Variants in TET3 observed in about 807,000 individuals in gnomAD.
TET3 encodes the protein methylcytosine dioxygenase TET3.
A neutral mutation model predicts 141.4 loss-of-function variants in TET3; 19 were observed. The observed-to-expected ratio is 0.13, with a 90% CI of 0.09 to 0.20. The LOEUF (loss-of-function observed/expected upper bound fraction) is 0.20, where lower values mean the gene tolerates loss of function less well. Among genes scored for constraint, TET3 ranks in the 10% least tolerant of loss-of-function variants. The pLI is 1.00. For missense variants in TET3, 1,874 were observed against 2,356.9 expected, an observed-to-expected ratio of 0.80 and a Z score of 4.24; for synonymous variants, 1,043 against 980.9, an observed-to-expected ratio of 1.06 and a Z score of -1.18.
chr2:74,096,071 C>G (rs966762467), intron 10 of TET3, among the ~76,000 whole-genome samples: 6 of 152,128 alleles, frequency 3.9e-5, no homozygotes, highest in Non-Finnish European at 8.8e-5. Flanking sequence ...ATGTACTTTA[C>G]TTATTTTTTT....
intron 3 of TET3, among the ~76,000 whole-genome samples, chr2:74,004,683 CAG>C (rs759923915): frequency 2.0e-5 from 3 of 152,130 alleles, no homozygotes; most frequent in African/African-American, 4.8e-5. Context: ...TGGGAGGTGA[CAG>C]AGGGCAGTTG....
Position 73,986,192 on chromosome 2 carries a change from A to G in TET3, c.-212A>G. 2.6e-6 allele frequency: 1 copy of G among 391,942 alleles called. No individual in the cohort carries two copies. Among genetic ancestry groups the G allele is most frequent in the Non-Finnish European group, 4.4e-6 (1 of 225,432 alleles). The allele number at this position is 391,942 out of a possible 1,614,324, so 24.3% of individuals were successfully genotyped here. A position where few individuals can be genotyped will look rare whatever the true frequency, so the allele number is the denominator to read the frequency against. On this transcript the variant is annotated 5_prime_UTR_variant, in exon 2 of 12. Transcript: ENST00000409262. ...GATCCTGGGCCCCAGCAGGTGGGAG[A>G]GTGGCCCCCTACGGAGTCCGATCAG...
the TET3 span, among the ~76,000 whole-genome samples, chr2:74,123,689 A>T: frequency 1.2e-3 from 180 of 152,186 alleles, no homozygotes; most frequent in African/African-American, 4.1e-3. Context: ...CCCGTCTGGG[A>T]AGTGAGGAGC....
intron 3 of TET3, among the ~76,000 whole-genome samples, chr2:74,023,784 G>A (rs2105257845): frequency 6.6e-6 from 1 of 152,174 alleles, no homozygotes; most frequent in South Asian, 2.1e-4. Flanking sequence ...TTCACAGATG[G>A]TGGTTATATT....
chr2:74,084,539 G>T (rs1202597348), intron 6 of TET3, among the ~76,000 whole-genome samples: 1 of 150,972 alleles, frequency 6.6e-6, no homozygotes, highest in African/African-American at 2.4e-5. Flanking sequence ...TGCAAGCTCC[G>T]CCTCCTGGGT....
chr2:74,093,017 C>G lies in TET3; in HGVS notation c.3129+26C>G, dbSNP rs1184302748. Reference sequence around the variant, plus strand: ...GTAACGGGCCCTGGGCCTTTTGCTGCCCACATGTCACCGTCCACATCTCTG... The same window carrying G: ...GTAACGGGCCCTGGGCCTTTTGCTGGCCACATGTCACCGTCCACATCTCTG... On this transcript the variant is annotated intron_variant, in intron 9 of 11. Coordinates refer to ENST00000409262, the MANE Select transcript of TET3 (RefSeq NM_001287491.2). This position sits in a 1 kb window ranked among gnomAD's most constrained non-coding sequence, Gnocchi z 4.2. The G allele has an allele frequency of 1.3e-6, 2 of 1,545,774 alleles. No individual in the cohort carries two copies. The highest frequency in any genetic ancestry group is 2.4e-5 in the East Asian group (1 of 41,082).
intron 2 of TET3, chr2:73,998,531 A>G (rs1469965047): frequency 1.3e-5 from 2 of 152,498 alleles, no homozygotes; most frequent in Non-Finnish European, 2.9e-5. Context: ...GGAGAGAAGC[A>G]TCTTTTCTTC....
chr2:73,996,590 C>T (rs1194923608), intron 2 of TET3, among the ~76,000 whole-genome samples: 5 of 152,196 alleles, frequency 3.3e-5, no homozygotes, highest in Non-Finnish European at 7.3e-5. Flanking sequence ...CTCACTGCTA[C>T]CTCCAATCCT....
At chr2:74,128,992 T>A in the TET3 span, among the ~76,000 whole-genome samples, 12 of 77,922 alleles carry the variant, frequency 1.5e-4, no homozygotes, top group Non-Finnish European at 2.1e-4. Context: ...TGTCTCAATT[T>A]AAAAAAAAAA....
chr2:74,061,513 A>G lies in TET3; in HGVS notation c.2495-12036A>G, dbSNP rs1168431617. Among the ~76,000 whole-genome samples the G allele has an allele frequency of 2.1e-5, 3 of 139,944 alleles. No individual in the cohort carries two copies. In the East Asian group the frequency reaches 6.8e-4, roughly 32 times the overall value. 91.8% of individuals were successfully genotyped at this position (139,944 alleles called of 152,430 possible). ...CCGGACGGGGCGGCTGGCTGGGCAG[A>G]GGGGCTCCTCACTTCCCAGTAGGGG... On this transcript the variant is annotated intron_variant, in intron 4 of 11. Transcript: ENST00000409262.
chr2:73,999,826 C>T (rs908002420), intron 2 of TET3, among the ~76,000 whole-genome samples: 2 of 152,142 alleles, frequency 1.3e-5, no homozygotes, highest in African/African-American at 4.8e-5. Flanking sequence ...CAGAGTGGCC[C>T]TGGCATGCAC....
At chr2:74,039,505 G>A (rs1687234952) in intron 3 of TET3, among the ~76,000 whole-genome samples, 1 of 152,126 alleles carries the variant, frequency 6.6e-6, no homozygotes, top group Non-Finnish European at 1.5e-5. Context: ...TTGGGGTCCT[G>A]AAATACATAG....
At chr2:74,074,215 T>A (rs1244390193) in intron 5 of TET3, among the ~76,000 whole-genome samples, 1 of 152,176 alleles carries the variant, frequency 6.6e-6, no homozygotes, top group Non-Finnish European at 1.5e-5. Flanking sequence ...TATCCTGGGT[T>A]CACATTGTAC....
downstream of TET3, among the ~76,000 whole-genome samples, chr2:74,112,079 G>A (rs903403854): frequency 2.6e-5 from 4 of 152,110 alleles, no homozygotes; most frequent in Non-Finnish European, 5.9e-5. Context: ...TCCTTACTCA[G>A]ATAATCTTTC....
chr2:74,065,640 CTT>C (rs1688847554), intron 4 of TET3, among the ~76,000 whole-genome samples: 1 of 137,560 alleles, frequency 7.3e-6, no homozygotes, highest in Non-Finnish European at 1.6e-5. Context: ...CCTTCCTTCT[CTT>C]TCTCTCTCTT....
chr2:74,047,595 T>A lies in TET3; in HGVS notation c.1678T>A (p.Trp560Arg), dbSNP rs982182777. 1.9e-6 allele frequency: 3 copies of A among 1,613,746 alleles called. No homozygotes were observed. Among genetic ancestry groups the A allele is most frequent in the Non-Finnish European group, 2.5e-6 (3 of 1,179,862 alleles). The stretch of plus-strand genomic sequence containing the variant: ...TTCAGAGCCTTCTGCTCCTGGCTGG[T>A]GGCCCCCACCAAGTTCACCTGTCCC... ...APSEPSAPGW[W>R]PPPSSPVPRL... is the part of the protein sequence containing the mutation. The change falls in exon 4 of 12, where the codon TGG becomes AGG. Residue 560 changes from tryptophan to arginine, a missense_variant. Trp to Arg is a moderately radical substitution (Grantham distance 101). Around this residue, in one of 10 missense-constraint regions of TET3, gnomAD observed 484 missense variants for 462.2 expected, o/e 1.05. Transcript: ENST00000409262.
rs760754169 is a variant in TET3, at chr2:74,046,476, G to T, written c.559G>T (p.Gly187Cys). Residue 187 changes from glycine to cysteine, a missense_variant, in exon 4 of 12, where the codon GGC becomes TGC. Gly to Cys is a radical substitution (Grantham distance 159). Around this residue, in one of 10 missense-constraint regions of TET3, gnomAD observed 366 missense variants for 487.0 expected, o/e 0.75. Transcript: ENST00000409262. The surrounding 1 kb of genome is among the most constrained non-coding windows in gnomAD (Gnocchi z 4.3). ...DQKPDWEAAP[G>C]PAHTARLEDA... Reference sequence around the variant, plus strand: ...AAAGCCCGACTGGGAGGCTGCCCCAGGCCCAGCTCATACTGCTCGCCTGGA... The same window carrying T: ...AAAGCCCGACTGGGAGGCTGCCCCATGCCCAGCTCATACTGCTCGCCTGGA... 1.1e-5 allele frequency: 17 copies of T among 1,613,342 alleles called. No homozygotes were observed. Among genetic ancestry groups the T allele is most frequent in the Non-Finnish European group, 1.4e-5 (17 of 1,179,470 alleles).
At chr2:74,090,130 A>G in intron 8 of TET3, 83 bp downstream of exon 8, 1 of 1,556,544 alleles carries the variant, frequency 6.4e-7, no homozygotes, top group East Asian at 2.3e-5. Flanking sequence ...TAGTACTGGC[A>G]CGCCATGACT....
intron 8 of TET3, among the ~76,000 whole-genome samples, chr2:74,091,377 AG>A (rs1690487548): frequency 6.6e-6 from 1 of 152,218 alleles, no homozygotes; most frequent in Non-Finnish European, 1.5e-5. Flanking sequence ...AGCCCCTCAT[AG>A]GTTTCTCAGA....
Sources: gnomAD v4.1 joint callset for allele counts (sites outside exome capture counted in the v4.1 genomes callset) on GRCh38, gnomAD v4.1.1 for gene constraint, gnomAD v4.1.1 regional missense constraint, Gnocchi (gnomAD v3.1) non-coding constraint, MANE v1.5 for transcripts, NCBI Gene and HGNC (gene_info 2026-07-23, HGNC 2026-07-21) for gene names.